PCDHGB5: variants seen among roughly 807,000 people sequenced by gnomAD.
The protein encoded by PCDHGB5 is protocadherin gamma-B5.
A neutral mutation model predicts 62.9 loss-of-function variants in PCDHGB5; 48 were observed. The observed-to-expected ratio is 0.76, with a 90% confidence interval of 0.61 to 0.97. PCDHGB5 has a LOEUF of 0.97. PCDHGB5 is among the 50% of genes least tolerant of loss of function. The probability of loss-of-function intolerance (pLI) is 0.00; values close to 1 mark genes in which losing one functional copy is unlikely to be tolerated. For missense variants in PCDHGB5, 1,118 were observed against 1,198.6 expected, an observed-to-expected ratio of 0.93 and a Z score of 0.99; for synonymous variants, 474 against 511.2, an observed-to-expected ratio of 0.93 and a Z score of 0.98.
chr5:141,398,197 T>G lies in PCDHGB5; in HGVS notation c.70T>G (p.Leu24Val), dbSNP rs1317220760. Residue 24 changes from leucine (L) to valine (V), a missense_variant, in exon 1 of 4, where the codon TTG becomes GTG. Transcript: ENST00000617380. Reference sequence around the variant, plus strand: ...AGTGCTCTTTCTCTTCCTGCTGTCTTTGTTCTGCCCGGCGCTCTGTGAGCA... The same window carrying G: ...AGTGCTCTTTCTCTTCCTGCTGTCTGTGTTCTGCCCGGCGCTCTGTGAGCA... ...LPVLFLFLLS[L>V]FCPALCEQIR... 2.7e-6 allele frequency: 4 copies of G among 1,492,294 alleles called. No homozygotes were observed. The African/African-American group carries it at 4.2e-5, about 16-fold the overall frequency. The allele number at this position is 1,492,294 out of a possible 1,614,324, so 92.4% of individuals were successfully genotyped here.
chr5:141,498,251 C>A (rs1277949209), intron 2 of PCDHGB5, among the ~76,000 whole-genome samples: 1 of 152,178 alleles, frequency 6.6e-6, no homozygotes, highest in African/African-American at 2.4e-5. Flanking sequence ...CAAAGCAGGG[C>A]TGGTGTTGAG....
chr5:141,400,274 G>C lies in PCDHGB5; in HGVS notation c.2147G>C (p.Ser716Thr). The change falls in exon 1 of 4, where the codon AGC becomes ACC. Residue 716 changes from serine to threonine, a missense_variant. Coordinates refer to ENST00000617380, the MANE Select transcript of PCDHGB5 (RefSeq NM_018925.3). The part of the protein sequence containing the change: ...AVALRLRRSS[S>T]PAAWSCFQPG... ...GCCTTGCGCCTGCGACGCTCCTCCA[G>C]CCCTGCCGCCTGGAGCTGCTTCCAA... 6.2e-7 allele frequency: 1 copy of C among 1,614,032 alleles called. No individual in the cohort carries two copies. Among genetic ancestry groups the C allele is most frequent in the Non-Finnish European group, 8.5e-7 (1 of 1,179,902 alleles).
chr5:141,489,312 G>A lies in PCDHGB5; in HGVS notation c.2398-5495G>A, dbSNP rs745541067. The A allele has an allele frequency of 2.5e-6, 4 of 1,594,972 alleles. No homozygotes were observed. The highest frequency in any genetic ancestry group is 2.6e-6 in the Non-Finnish European group (3 of 1,169,822). On this transcript the variant is annotated intron_variant, in intron 1 of 3. Transcript: ENST00000617380. This position sits in a 1 kb window ranked among gnomAD's most constrained non-coding sequence, Gnocchi z 4.5. ...TGTGCATGTTGTCCTTGTGCTGCTG[G>A]GGCTGGGTGTCTGGGCAGCTTCGTT...
intron 1 of PCDHGB5, chr5:141,422,160 A>C: frequency 6.4e-7 from 1 of 1,573,304 alleles, no homozygotes; most frequent in South Asian, 1.2e-5. Context: ...TGGATTTTGA[A>C]AAATATAGAT....
chr5:141,421,766 C>T, intron 1 of PCDHGB5: 2 of 1,613,868 alleles, frequency 1.2e-6, no homozygotes, highest in South Asian at 1.1e-5. Context: ...AATTACTTTT[C>T]CTTGCAACTG....
chr5:141,405,203 C>T, intron 1 of PCDHGB5: 2 of 1,613,520 alleles, frequency 1.2e-6, no homozygotes, highest in Non-Finnish European at 1.7e-6. Context: ...AGCTTTCCTA[C>T]AGACCTATTC....
At chr5:141,418,685 G>A (rs750217981) in intron 1 of PCDHGB5, 1 of 1,614,056 alleles carries the variant, frequency 6.2e-7, no homozygotes, top group African/African-American at 1.3e-5. Context: ...CATCAACTCA[G>A]AGATCACTTA....
Position 141,400,281 on chromosome 5 carries a change from C to G in PCDHGB5, c.2154C>G (p.Ala718=). Residue 718 remains alanine (A), a synonymous_variant, in exon 1 of 4, where the codon GCC becomes GCG. Transcript: ENST00000617380. The part of the protein sequence containing the change: ...ALRLRRSSSP[A]AWSCFQPGLC... ...GCCTGCGACGCTCCTCCAGCCCTGC[C>G]GCCTGGAGCTGCTTCCAACCTGGTC... The G allele has an allele frequency of 3.1e-6, 5 of 1,614,016 alleles. No individual in the cohort carries two copies. Among genetic ancestry groups the G allele is most frequent in the Non-Finnish European group, 4.2e-6 (5 of 1,179,876 alleles).
intron 1 of PCDHGB5, chr5:141,479,646 A>G (rs2099501987): frequency 6.6e-6 from 1 of 152,256 alleles, no homozygotes; most frequent in Admixed American, 6.5e-5. Context: ...CAACAACAAC[A>G]ACAACAATCC....
At chr5:141,463,265 A>G (rs2099055701) in intron 1 of PCDHGB5, among the ~76,000 whole-genome samples, 1 of 151,998 alleles carries the variant, frequency 6.6e-6, no homozygotes, top group African/African-American at 2.4e-5. Flanking sequence ...ACTCTATCCC[A>G]TAAATTCTGG....
In PCDHGB5 at chr5:141,476,327, G is replaced by A. The variant is rs2099389169; in HGVS notation, c.2398-18480G>A. The A allele has an allele frequency of 1.2e-6, 2 of 1,614,192 alleles. No individual in the cohort carries two copies. Among genetic ancestry groups the A allele is most frequent in the African/African-American group, 1.3e-5 (1 of 75,046 alleles). On this transcript the variant is annotated intron_variant, in intron 1 of 3. Transcript: ENST00000617380. The surrounding 1 kb of genome is among the most constrained non-coding windows in gnomAD (Gnocchi z 7.6). ...AGCCCGCAGGTTCCGGGTGGTGTCT[G>A]GAGCTAGCCGAAGATTCTTTGAGGT...
intron 1 of PCDHGB5, among the ~76,000 whole-genome samples, chr5:141,456,955 T>A (rs1352654794): frequency 2.6e-5 from 4 of 151,974 alleles, no homozygotes; most frequent in African/African-American, 7.3e-5. Flanking sequence ...AGAGCAAAAC[T>A]CCATCTCAAA....
intron 1 of PCDHGB5, chr5:141,442,400 C>G (rs1478739190): frequency 6.6e-6 from 1 of 152,224 alleles, no homozygotes; most frequent in Admixed American, 6.5e-5. Context: ...TCCTACGAAT[C>G]CAGGGCTGAG....
chr5:141,477,600 T>A lies in PCDHGB5; in HGVS notation c.2398-17207T>A, dbSNP rs746047124. The A allele has an allele frequency of 6.2e-6, 10 of 1,614,146 alleles. No homozygotes were observed. The highest frequency in any genetic ancestry group is 7.6e-6 in the Non-Finnish European group (9 of 1,180,026). ...CCGCAGAATGCTCGGCTTTCTTTCT[T>A]TCTCTTGGAGCAAGGAGCTGAAACC... On this transcript the variant is annotated intron_variant, in intron 1 of 3. Coordinates refer to ENST00000617380, the MANE Select transcript of PCDHGB5 (RefSeq NM_018925.3). This position sits in a 1 kb window ranked among gnomAD's most constrained non-coding sequence, Gnocchi z 4.9.
At position 141,486,538 on chromosome 5, in the gene PCDHGB5, C is replaced by A; in HGVS notation, c.2398-8269C>A. 1 of 1,614,150 alleles carries A rather than the reference C, an allele frequency of 6.2e-7. No individual in the cohort carries two copies. Among genetic ancestry groups the A allele is most frequent in the Non-Finnish European group, 8.5e-7 (1 of 1,180,038 alleles). ...ATGTGAATGATAATCCACCCTCTTTCTTTCAGAGGTCACATGAGGTGTTTG... is the reference window on the plus strand; with the variant it reads ...ATGTGAATGATAATCCACCCTCTTTATTTCAGAGGTCACATGAGGTGTTTG... On this transcript the variant is annotated intron_variant, in intron 1 of 3. Coordinates refer to ENST00000617380, the MANE Select transcript of PCDHGB5 (RefSeq NM_018925.3). This position sits in a 1 kb window ranked among gnomAD's most constrained non-coding sequence, Gnocchi z 5.0.
chr5:141,409,720 A>C (rs2095305667), intron 1 of PCDHGB5: 1 of 1,613,176 alleles, frequency 6.2e-7, no homozygotes, highest in Non-Finnish European at 8.5e-7. Context: ...CATACGTGTC[A>C]GTGAGCGCGC....
At chr5:141,470,552 T>G (rs1303190360) in intron 1 of PCDHGB5, among the ~76,000 whole-genome samples, 1 of 151,966 alleles carries the variant, frequency 6.6e-6, no homozygotes, top group East Asian at 1.9e-4. Flanking sequence ...TTATTGAGAG[T>G]TTCCTCTGTG....
intron 1 of PCDHGB5, chr5:141,421,995 C>G (rs750731453): frequency 6.2e-7 from 1 of 1,608,844 alleles, no homozygotes; most frequent in South Asian, 1.1e-5. Context: ...CAGAAAACAT[C>G]AGCTCCGGAA....
Position 141,510,999 on chromosome 5 carries a change from G to C in PCDHGB5, c.2598G>C (p.Leu866Phe). Residue 866 changes from leucine (L) to phenylalanine (F), a missense_variant, in exon 4 of 4, where the codon TTG (leucine) becomes TTC (phenylalanine). Around this residue, in one of 2 missense-constraint regions of PCDHGB5, gnomAD observed 1,034 missense variants for 1,029.1 expected, o/e 1.00. Coordinates refer to ENST00000617380, the MANE Select transcript of PCDHGB5 (RefSeq NM_018925.3). ...GAGGGGGTGCCGGCACCATGGGATT[G>C]AGCGCCCGCTACGGACCCCAGTTCA... ...TLGGGAGTMG[L>F]SARYGPQFTL... 6.2e-7 allele frequency: 1 copy of C among 1,614,144 alleles called. No homozygotes were observed. Among genetic ancestry groups the C allele is most frequent in the Non-Finnish European group, 8.5e-7 (1 of 1,180,008 alleles).
Sources: gnomAD v4.1 joint callset for allele counts (sites outside exome capture counted in the v4.1 genomes callset) on GRCh38, gnomAD v4.1.1 for gene constraint, gnomAD v4.1.1 regional missense constraint, Gnocchi (gnomAD v3.1) non-coding constraint, MANE v1.5 for transcripts, NCBI Gene and HGNC (gene_info 2026-07-23, HGNC 2026-07-21) for gene names.